The following RARB variants were observed in gnomAD, a reference collection of about 807,000 sequenced individuals.
RARB encodes the protein HBV-activated protein.
Under a neutral mutation model 51.9 loss-of-function variants are expected in RARB, and 17 were observed. The observed-to-expected ratio is 0.33, with a 90% confidence interval of 0.22 to 0.49. RARB has a LOEUF of 0.49. Ranked by LOEUF, RARB falls within the 20% of genes least tolerant of loss-of-function variation. RARB has a pLI of 0.99. For synonymous variants in RARB, 215 were observed against 195.4 expected, an observed-to-expected ratio of 1.10 and a Z score of -0.84; for missense variants, 369 against 550.8, an observed-to-expected ratio of 0.67 and a Z score of 3.30.
In RARB at chr3:25,552,872, T is replaced by TA. The variant is rs368207274; in HGVS notation, c.449-16885dup. On this transcript the variant is annotated intron_variant, in intron 3 of 7. Coordinates refer to ENST00000330688, the MANE Select transcript of RARB (RefSeq NM_000965.5). ...AGAGTGTTGAGTGAATGGGGGCTGT[T>TA]ACATCATGGTCTCTACTTTAAGTAT... is the stretch of plus-strand genomic sequence containing the variant. Among the ~76,000 whole-genome samples, 207 of 152,292 alleles carry TA rather than the reference T, an allele frequency of 1.4e-3. 3 individuals carry two copies. Among genetic ancestry groups the TA allele is most frequent in the African/African-American group, 4.5e-3 (188 of 41,552 alleles).
chr3:25,442,195 G>GTA (rs1708723973), intron 1 of RARB, among the ~76,000 whole-genome samples: 1 of 151,584 alleles, frequency 6.6e-6, no homozygotes, highest in African/African-American at 2.4e-5. Flanking sequence ...GAGTGCAGTG[G>GTA]TGCTATCTCG....
chr3:25,432,837 T>G (rs1325903747), intron 1 of RARB, among the ~76,000 whole-genome samples: 1 of 152,200 alleles, frequency 6.6e-6, no homozygotes, highest in Non-Finnish European at 1.5e-5. Flanking sequence ...AAGCTGAGAA[T>G]TTTAAGTTAC....
intron 5 of RARB, among the ~76,000 whole-genome samples, chr3:25,420,857 T>C (rs1442967331): frequency 1.3e-5 from 2 of 152,004 alleles, no homozygotes; most frequent in Non-Finnish European, 2.9e-5. Context: ...AATGGATGGA[T>C]GGATGGATGG....
chr3:25,022,470 T>C (rs1697658119), intron 2 of RARB, among the ~76,000 whole-genome samples: 1 of 152,162 alleles, frequency 6.6e-6, no homozygotes, highest in South Asian at 2.1e-4. Context: ...GCAATGGGAG[T>C]AGTTTCTAAT....
At chr3:25,434,236 A>AT (rs1313790476) in intron 1 of RARB, among the ~76,000 whole-genome samples, 4 of 152,210 alleles carry the variant, frequency 2.6e-5, no homozygotes, top group Non-Finnish European at 5.9e-5. Context: ...TACAGGGGTG[A>AT]TAGTGGGTGA....
intron 5 of RARB, among the ~76,000 whole-genome samples, chr3:25,366,534 G>A (rs1270340750): frequency 1.3e-5 from 2 of 151,754 alleles, no homozygotes; most frequent in Non-Finnish European, 2.9e-5. Flanking sequence ...CTAGAAAACT[G>A]ATGAAACCAG....
chr3:25,573,116 G>A (rs1286739), intron 4 of RARB, among the ~76,000 whole-genome samples: 11,279 of 152,056 alleles, frequency 0.074, 540 homozygotes, highest in Admixed American at 0.1. Flanking sequence ...TCTAAACCAC[G>A]TCCCAGAGTT....
At chr3:24,839,694 A>G (rs1284468427) in intron 1 of RARB, among the ~76,000 whole-genome samples, 6 of 98,546 alleles carry the variant, frequency 6.1e-5, no homozygotes, top group African/African-American at 2.0e-4. Context: ...ACGGACCAAG[A>G]CGCTGTCTCA....
At chr3:24,855,607 C>T (rs924450451) in intron 1 of RARB, among the ~76,000 whole-genome samples, 2 of 152,060 alleles carry the variant, frequency 1.3e-5, no homozygotes, top group Non-Finnish European at 2.9e-5. Flanking sequence ...ACTTCCAGCA[C>T]TTAGCACATT....
At chr3:25,556,352 T>C (rs1215986846) in intron 3 of RARB, among the ~76,000 whole-genome samples, 1 of 152,140 alleles carries the variant, frequency 6.6e-6, no homozygotes, top group African/African-American at 2.4e-5. Flanking sequence ...CCTGGGAGCT[T>C]TGGCTTATTT....
At chr3:25,186,482 T>C (rs1463397105) in intron 5 of RARB, among the ~76,000 whole-genome samples, 1 of 152,106 alleles carries the variant, frequency 6.6e-6, no homozygotes, top group African/African-American at 2.4e-5. Flanking sequence ...TGAATTTAGG[T>C]TTAAGAATGT....
intron 5 of RARB, among the ~76,000 whole-genome samples, chr3:25,377,801 TTTGAG>T: frequency 6.6e-6 from 1 of 152,282 alleles, no homozygotes; most frequent in African/African-American, 2.4e-5. Context: ...GGCAGGGACC[TTTGAG>T]TCACTTAACC....
chr3:24,944,301 T>C (rs570085426), intron 2 of RARB, among the ~76,000 whole-genome samples: 2 of 152,348 alleles, frequency 1.3e-5, no homozygotes, highest in African/African-American at 4.8e-5. Flanking sequence ...TCTTTCTGGG[T>C]CTCAAGCACA....
At chr3:25,056,765 A>G (rs1253685666) in intron 2 of RARB, among the ~76,000 whole-genome samples, 1 of 152,116 alleles carries the variant, frequency 6.6e-6, no homozygotes, top group South Asian at 2.1e-4. Context: ...CCATTTTGAG[A>G]GGATAGAATT....
intron 5 of RARB, among the ~76,000 whole-genome samples, chr3:25,235,543 C>T (rs555280938): frequency 6.6e-6 from 1 of 152,236 alleles, no homozygotes; most frequent in Non-Finnish European, 1.5e-5. Flanking sequence ...TTTCAACTGC[C>T]TTTTTCCTGT....
At chr3:25,424,437 C>A (rs1011975482), upstream of RARB, among the ~76,000 whole-genome samples, 1 of 152,232 alleles carries the variant, frequency 6.6e-6, no homozygotes, top group African/African-American at 2.4e-5. Flanking sequence ...CTCATACTTG[C>A]CTCGTGCTGC....
At chr3:25,048,558 C>T (rs1035699755) in intron 2 of RARB, among the ~76,000 whole-genome samples, 2 of 152,048 alleles carry the variant, frequency 1.3e-5, no homozygotes, top group Non-Finnish European at 2.9e-5. Flanking sequence ...ATAATTGTGT[C>T]TACATTTCTG....
chr3:24,982,021 C>G (rs1319932885), intron 2 of RARB, among the ~76,000 whole-genome samples: 1 of 152,194 alleles, frequency 6.6e-6, no homozygotes, highest in Non-Finnish European at 1.5e-5. Context: ...TTGGCTCTGA[C>G]TTGGGCATTC....
chr3:25,502,331 G>T (rs1456440378), intron 3 of RARB, among the ~76,000 whole-genome samples: 1 of 152,180 alleles, frequency 6.6e-6, no homozygotes, highest in African/African-American at 2.4e-5. Context: ...TTGGAACTGG[G>T]AAACGTGACC....
Sources: allele counts gnomAD v4.1 joint callset (sites outside exome capture counted in the v4.1 genomes callset), GRCh38; gene constraint gnomAD v4.1.1; transcripts MANE v1.5; gene names NCBI Gene and HGNC (gene_info 2026-07-23, HGNC 2026-07-21).